The following UPF2 variants were observed in gnomAD, a reference collection of about 807,000 sequenced individuals.
UPF2 encodes the protein regulator of nonsense transcripts 2.
Under a neutral mutation model 141.4 loss-of-function variants are expected in UPF2, and 17 were observed. The observed-to-expected ratio is 0.12, with a 90% confidence interval of 0.08 to 0.18. The LOEUF (loss-of-function observed/expected upper bound fraction) is 0.18, where lower values mean the gene tolerates loss of function less well. UPF2 is among the 10% of genes least tolerant of loss of function. UPF2 has a pLI of 1.00. For synonymous variants in UPF2, 540 were observed against 498.0 expected (o/e 1.08, Z -1.12); for missense variants, 1,152 against 1,515.9 (o/e 0.76, Z 3.99).
chr10:11,972,840 G>A (rs1402890760), intron 9 of UPF2, among the ~76,000 whole-genome samples: 6 of 152,128 alleles, frequency 3.9e-5, no homozygotes, highest in South Asian at 2.1e-4. Flanking sequence ...GCCACAATAA[G>A]CATACGTGTG....
chr10:12,003,334 A>G (rs1354546405), intron 5 of UPF2, among the ~76,000 whole-genome samples: 1 of 152,236 alleles, frequency 6.6e-6, no homozygotes, highest in African/African-American at 2.4e-5. Flanking sequence ...TTGCTCTCAA[A>G]AAACATACAA....
chr10:11,982,714 C>T (rs1833619522), intron 8 of UPF2, among the ~76,000 whole-genome samples: 1 of 152,078 alleles, frequency 6.6e-6, no homozygotes, highest in African/African-American at 2.4e-5. Flanking sequence ...ACGACCTCCG[C>T]CTCCCAAGCG....
intron 19 of UPF2, among the ~76,000 whole-genome samples, chr10:11,932,947 T>G (rs999824044): frequency 1.3e-5 from 2 of 152,208 alleles, no homozygotes; most frequent in Non-Finnish European, 2.9e-5. Context: ...ATGCATTTGT[T>G]TGAATAAAAA....
At chr10:12,002,392 G>T (rs1247561052) in intron 5 of UPF2, among the ~76,000 whole-genome samples, 1 of 152,190 alleles carries the variant, frequency 6.6e-6, no homozygotes, top group African/African-American at 2.4e-5. Flanking sequence ...TGTGGATGAG[G>T]ACTTACATGG....
intron 11 of UPF2, among the ~76,000 whole-genome samples, chr10:11,962,195 C>G (rs1237667435): frequency 6.6e-6 from 1 of 152,200 alleles, no homozygotes; most frequent in Non-Finnish European, 1.5e-5. Flanking sequence ...CACGCACACT[C>G]ACACATACCC....
intron 1 of UPF2, chr10:12,035,898 T>C (rs1474860299): frequency 6.6e-6 from 1 of 152,580 alleles, no homozygotes; most frequent in African/African-American, 2.4e-5. Flanking sequence ...GTATTTCAGC[T>C]GAGAAAGGAA....
At chr10:11,984,824 T>A (rs536352689) in intron 8 of UPF2, among the ~76,000 whole-genome samples, 1 of 152,160 alleles carries the variant, frequency 6.6e-6, no homozygotes, top group Admixed American at 6.5e-5. Context: ...GTGATTCTCC[T>A]GCCTCAGCCT....
chr10:11,970,656 A>G (rs1833400983), intron 9 of UPF2, among the ~76,000 whole-genome samples: 1 of 152,106 alleles, frequency 6.6e-6, no homozygotes, highest in African/African-American at 2.4e-5. Flanking sequence ...TACTAAAAAT[A>G]CAAAAATTAG....
chr10:11,963,451 C>T (rs1012449978), intron 11 of UPF2, among the ~76,000 whole-genome samples: 3 of 152,154 alleles, frequency 2.0e-5, no homozygotes, highest in Non-Finnish European at 4.4e-5. Context: ...ATCCTCCCAC[C>T]TCAGCCTTCT....
chr10:12,026,640 T>C, intron 3 of UPF2: 1 of 449,270 alleles, frequency 2.2e-6, no homozygotes, highest in Non-Finnish European at 4.4e-6. Context: ...TGAAAATTCC[T>C]ATAAACTTTT....
At position 11,936,742 on chromosome 10, in the gene UPF2, C is replaced by T. The variant is rs775169373; in HGVS notation, c.3379-30G>A. On this transcript the variant is annotated intron_variant, in intron 18 of 21. Coordinates refer to ENST00000357604, the MANE Select transcript of UPF2 (RefSeq NM_015542.4). This position sits in a 1 kb window ranked among gnomAD's most constrained non-coding sequence, Gnocchi z 6.6. The stretch of plus-strand genomic sequence containing the variant: ...AAGAAATTAAAAAGGACATAATAAA[C>T]ACTCCAAGATATATACGGATATATG... The T allele has an allele frequency of 4.5e-5, 71 of 1,587,354 alleles. No individual in the cohort carries two copies. Among genetic ancestry groups the T allele is most frequent in the Non-Finnish European group, 5.7e-5 (67 of 1,167,114 alleles).
chr10:11,920,081 T>C lies in UPF2; in HGVS notation c.*1217A>G, dbSNP rs946432588. 6.6e-5 allele frequency: 10 copies of C among 152,240 alleles called. No homozygotes were observed. Among genetic ancestry groups the C allele is most frequent in the Admixed American group, 3.9e-4 (6 of 15,288 alleles). 9.4% of individuals were successfully genotyped at this position (152,240 alleles called of 1,614,324 possible). On this transcript the variant is annotated 3_prime_UTR_variant, in exon 22 of 22. Transcript: ENST00000357604. Reference sequence around the variant, plus strand: ...GTCAGATTTCTGAAGCTGGTGAAGATTGGGCAGCATTTCCATGTGAAATGT... The same window carrying C: ...GTCAGATTTCTGAAGCTGGTGAAGACTGGGCAGCATTTCCATGTGAAATGT...
In UPF2 at chr10:12,014,002, T is replaced by C; in HGVS notation, c.1306+22A>G. On this transcript the variant is annotated intron_variant, in intron 4 of 21. Transcript: ENST00000357604. The surrounding 1 kb of genome is among the most constrained non-coding windows in gnomAD (Gnocchi z 5.0). The stretch of plus-strand genomic sequence containing the variant: ...CAGTGCTTACAGAAAACACAATGTT[T>C]GTTTTTAAGGATATCTCTTACCTTC... The C allele has an allele frequency of 6.7e-7, 1 of 1,499,322 alleles. No individual in the cohort carries two copies. The highest frequency in any genetic ancestry group is 9.0e-7 in the Non-Finnish European group (1 of 1,114,794). 92.9% of individuals were successfully genotyped at this position (1,499,322 alleles called of 1,614,324 possible).
At chr10:11,993,031 T>G (rs1331786042) in intron 8 of UPF2, among the ~76,000 whole-genome samples, 1 of 151,132 alleles carries the variant, frequency 6.6e-6, no homozygotes, top group Non-Finnish European at 1.5e-5. Flanking sequence ...ACGCGTGAAA[T>G]CCCAGTTACA....
At chr10:11,988,166 CATATGTCATTAGGG>C (rs916706982) in intron 8 of UPF2, among the ~76,000 whole-genome samples, 9 of 152,328 alleles carry the variant, frequency 5.9e-5, no homozygotes, top group Admixed American at 2.0e-4. Context: ...TGCTCAACGT[CATATGTCATTAGGG>C]ACGTTGTCCC....
rs894708248 is a variant in UPF2 at position 11,979,734 on chromosome 10, G to A, written c.1845-569C>T. On this transcript the variant is annotated intron_variant, in intron 8 of 21. Coordinates refer to ENST00000357604, the MANE Select transcript of UPF2 (RefSeq NM_015542.4). The surrounding 1 kb of genome is among the most constrained non-coding windows in gnomAD (Gnocchi z 6.2). ...ATCCTGGCTAACACGGTGAAACCCC[G>A]TCTCTACTAAAAATAAAAAAATTAG... 1.6e-4 allele frequency among the ~76,000 whole-genome samples: 25 copies of A among 152,060 alleles called. No individual in the cohort carries two copies. Among genetic ancestry groups the A allele is most frequent in the Non-Finnish European group, 2.5e-4 (17 of 68,014 alleles).
chr10:12,038,107 G>A (rs941902600), intron 1 of UPF2, among the ~76,000 whole-genome samples: 5 of 152,152 alleles, frequency 3.3e-5, no homozygotes, highest in African/African-American at 1.2e-4. Flanking sequence ...TAGGGGCTGG[G>A]TGCGGTGGCT....
intron 2 of UPF2, among the ~76,000 whole-genome samples, chr10:12,033,735 G>A (rs1050138544): frequency 5.9e-5 from 9 of 152,006 alleles, no homozygotes; most frequent in Admixed American, 3.9e-4. Context: ...TCTTCATAGA[G>A]ACAGGGTCTC....
chr10:12,024,428 G>C (rs1040290079), intron 3 of UPF2, among the ~76,000 whole-genome samples: 3 of 151,848 alleles, frequency 2.0e-5, no homozygotes, highest in Admixed American at 6.6e-5. Flanking sequence ...TGGGCAACAT[G>C]GCGAAACCCC....
Sources: allele counts gnomAD v4.1 joint callset (sites outside exome capture counted in the v4.1 genomes callset), GRCh38; gene constraint gnomAD v4.1.1; non-coding constraint Gnocchi (gnomAD v3.1); transcripts MANE v1.5; gene names NCBI Gene and HGNC (gene_info 2026-07-23, HGNC 2026-07-21).